Variants in SLC4A5 observed in about 807,000 individuals in gnomAD.
SLC4A5 encodes the protein electrogenic sodium bicarbonate cotransporter 4.
In SLC4A5, 96 loss-of-function variants were observed where a neutral mutation model predicts 120.4. The ratio of observed to expected loss-of-function variants is 0.80; its 90% CI spans 0.68 to 0.94. The LOEUF (loss-of-function observed/expected upper bound fraction) is 0.94. Among genes scored for constraint, SLC4A5 ranks in the 40% least tolerant of loss-of-function variants. The pLI, the probability that SLC4A5 is intolerant of heterozygous loss-of-function variation, is 0.00. For synonymous variants in SLC4A5, 550 were observed against 571.1 expected (o/e 0.96, Z 0.53); for missense variants, 1,259 against 1,459.5 (o/e 0.86, Z 2.24).
At chr2:74,254,378 G>A (rs1670892344) in intron 14 of SLC4A5, among the ~76,000 whole-genome samples, 3 of 152,104 alleles carry the variant, frequency 2.0e-5, no homozygotes, top group Admixed American at 2.0e-4. Context: ...AGCCCTCCTT[G>A]ACCCCCTGGG....
At chr2:74,249,247 G>A (rs1670715877) in intron 17 of SLC4A5, among the ~76,000 whole-genome samples, 1 of 152,318 alleles carries the variant, frequency 6.6e-6, no homozygotes. Flanking sequence ...TGCCACAGGA[G>A]CACGCAGTAG....
intron 10 of SLC4A5, 116 bp downstream of exon 10, chr2:74,264,031 C>A: frequency 7.3e-7 from 1 of 1,360,738 alleles, no homozygotes; most frequent in Non-Finnish European, 9.9e-7. Flanking sequence ...TGAGGGATCC[C>A]CAGAACATCA....
At chr2:74,305,892 T>C (rs1428237711) in intron 6 of SLC4A5, among the ~76,000 whole-genome samples, 1 of 152,010 alleles carries the variant, frequency 6.6e-6, no homozygotes, top group African/African-American at 2.4e-5. Flanking sequence ...GCCTGGCTAA[T>C]TTTTTGTATC....
At chr2:74,301,405 C>T (rs922421561) in intron 7 of SLC4A5, among the ~76,000 whole-genome samples, 2 of 152,180 alleles carry the variant, frequency 1.3e-5, no homozygotes, top group African/African-American at 4.8e-5. Context: ...ATCTAGCCAC[C>T]CTGCCTGGCC....
At chr2:74,321,557 C>T (rs1673098237) in intron 5 of SLC4A5, among the ~76,000 whole-genome samples, 1 of 151,978 alleles carries the variant, frequency 6.6e-6, no homozygotes, top group Non-Finnish European at 1.5e-5. Context: ...AAAGGTGACC[C>T]AGATGTGGTT....
intron 4 of SLC4A5, among the ~76,000 whole-genome samples, chr2:74,332,644 A>T (rs1673389820): frequency 6.6e-6 from 1 of 152,082 alleles, no homozygotes; most frequent in Non-Finnish European, 1.5e-5. Flanking sequence ...CTCTGGAAAA[A>T]GCCTGTCTTC....
At chr2:74,232,377 G>A in intron 24 of SLC4A5, 92 bp downstream of exon 24, 4 of 1,475,396 alleles carry the variant, frequency 2.7e-6, no homozygotes, top group Non-Finnish European at 3.7e-6. Flanking sequence ...GGCCCTTTTT[G>A]TCCAAATCCT....
intron 29 of SLC4A5, 47 bp downstream of exon 29, chr2:74,222,821 T>C (rs1193901781): frequency 6.7e-7 from 1 of 1,482,466 alleles, no homozygotes; most frequent in African/African-American, 1.4e-5. Flanking sequence ...GGGAAAGACA[T>C]GGAGGACTAG....
chr2:74,277,521 C>A (rs1671682451), intron 8 of SLC4A5, among the ~76,000 whole-genome samples: 1 of 151,982 alleles, frequency 6.6e-6, no homozygotes. Context: ...TGCACTCCAG[C>A]ATGGGTGACA....
chr2:74,312,227 A>C (rs1164396493), intron 6 of SLC4A5, among the ~76,000 whole-genome samples: 2 of 149,916 alleles, frequency 1.3e-5, no homozygotes, highest in African/African-American at 4.9e-5. Flanking sequence ...CTATATCTCT[A>C]TATGTGTGTG....
chr2:74,279,355 C>T (rs1380037479), intron 8 of SLC4A5, among the ~76,000 whole-genome samples: 2 of 152,086 alleles, frequency 1.3e-5, no homozygotes, highest in African/African-American at 2.4e-5. Flanking sequence ...ACTTCTTATC[C>T]CCTCCCTTCA....
Position 74,233,434 on chromosome 2 carries a change from C to T in SLC4A5, c.2563G>A (p.Val855Ile), listed in dbSNP as rs779040076. ...TTGTTCTCCTTCCGGTTGACAATGA[C>T]GGCAGTGATCTGCTGGTCCATGAAG... Residue 855 changes from valine to isoleucine, a missense_variant, in exon 23 of 31, where the codon GTC (valine) becomes ATC (isoleucine). By Grantham distance (29) the Val-to-Ile change is conservative. Transcript: ENST00000394019. 69 of 1,614,090 alleles carry T rather than the reference C, an allele frequency of 4.3e-5. No individual in the cohort carries two copies. Among genetic ancestry groups the T allele is most frequent in the Non-Finnish European group, 5.3e-5 (62 of 1,180,032 alleles).
chr2:74,330,604 G>T (rs1673333585), intron 4 of SLC4A5, among the ~76,000 whole-genome samples: 1 of 150,654 alleles, frequency 6.6e-6, no homozygotes, highest in Non-Finnish European at 1.5e-5. Context: ...TGGTGGTGAG[G>T]TCTAGATGGA....
chr2:74,290,411 G>A, intron 7 of SLC4A5: 1 of 985,444 alleles, frequency 1.0e-6, no homozygotes, highest in Non-Finnish European at 1.2e-6. Flanking sequence ...TGTGGGGAGA[G>A]AAGAAGGGGG....
At chr2:74,289,849 T>G (rs1672101549) in intron 7 of SLC4A5, among the ~76,000 whole-genome samples, 1 of 152,150 alleles carries the variant, frequency 6.6e-6, no homozygotes, top group Non-Finnish European at 1.5e-5. Context: ...TGATGTACCT[T>G]GGAGGATGGC....
exon 12 of SLC4A5, chr2:74,259,597 G>A (rs751712081): frequency 1.2e-6 from 2 of 1,614,072 alleles, no homozygotes; most frequent in Admixed American, 1.7e-5. Context: ...CCTGGTCTGT[G>A]TTTGGGGTGA....
At chr2:74,307,242 A>C in intron 6 of SLC4A5, 1 of 520,042 alleles carries the variant, frequency 1.9e-6, no homozygotes, top group Middle Eastern at 5.8e-4. Flanking sequence ...CTTCTGAGGC[A>C]GCTAATCATA....
At chr2:74,273,756 G>A (rs779645707) in intron 8 of SLC4A5, among the ~76,000 whole-genome samples, 1 of 152,216 alleles carries the variant, frequency 6.6e-6, no homozygotes, top group South Asian at 2.1e-4. Context: ...AATTCACTTA[G>A]AAGCCCGTTA....
intron 30 of SLC4A5, among the ~76,000 whole-genome samples, chr2:74,219,801 G>A (rs1025644279): frequency 6.6e-6 from 1 of 152,092 alleles, no homozygotes; most frequent in African/African-American, 2.4e-5. Context: ...AAGATCAATG[G>A]CATCACATAT....
Sources: gnomAD v4.1 joint callset for allele counts (sites outside exome capture counted in the v4.1 genomes callset) on GRCh38, gnomAD v4.1.1 for gene constraint, MANE v1.5 for transcripts, NCBI Gene and HGNC (gene_info 2026-07-23, HGNC 2026-07-21) for gene names.